The following ZP3 variants were observed in gnomAD, a reference collection of about 807,000 sequenced individuals.
The protein encoded by ZP3 is zona pellucida glycoprotein 3.
In ZP3, 21 loss-of-function variants were observed where a neutral mutation model predicts 35.6. The ratio of observed to expected loss-of-function variants is 0.59; its 90% CI spans 0.42 to 0.85. The LOEUF (loss-of-function observed/expected upper bound fraction) is 0.85. Ranked by LOEUF, ZP3 falls within the 40% of genes least tolerant of loss-of-function variation. The pLI, the probability that ZP3 is intolerant of heterozygous loss-of-function variation, is 0.00. For missense variants in ZP3, 437 were observed against 536.5 expected (o/e 0.81, Z 1.83); for synonymous variants, 207 against 214.5 (o/e 0.96, Z 0.31).
intron 1 of ZP3, among the ~76,000 whole-genome samples, chr7:76,427,480 C>T (rs1323998654): frequency 1.4e-5 from 2 of 145,442 alleles, no homozygotes; most frequent in Non-Finnish European, 3.0e-5. Flanking sequence ...CGTGCCACTG[C>T]ACTCCAGCCT....
chr7:76,425,551 T>C (rs537345928), intron 1 of ZP3, among the ~76,000 whole-genome samples: 41 of 151,946 alleles, frequency 2.7e-4, no homozygotes, highest in African/African-American at 9.2e-4. Context: ...CTCAGGTGGG[T>C]TTGTGACACA....
intron 1 of ZP3, among the ~76,000 whole-genome samples, chr7:76,408,606 C>T (rs1805123421): frequency 6.6e-6 from 1 of 152,120 alleles, no homozygotes; most frequent in South Asian, 2.1e-4. Flanking sequence ...CACCTCAGCC[C>T]AGGCGTGAGG....
intron 1 of ZP3, among the ~76,000 whole-genome samples, chr7:76,419,769 C>CCCT (rs1193213971): frequency 8.4e-5 from 12 of 142,648 alleles, no homozygotes; most frequent in South Asian, 2.3e-4. Context: ...TTTCCCCCTC[C>CCCT]CCTCCTCCTC....
At chr7:76,422,766 G>A (rs746125180), upstream of ZP3, among the ~76,000 whole-genome samples, 1 of 151,280 alleles carries the variant, frequency 6.6e-6, no homozygotes, top group Non-Finnish European at 1.5e-5. Flanking sequence ...GGGAGGCCGA[G>A]GAGGGAGAAT....
At chr7:76,413,543 A>G (rs1805298740) in intron 1 of ZP3, among the ~76,000 whole-genome samples, 1 of 152,198 alleles carries the variant, frequency 6.6e-6, no homozygotes, top group African/African-American at 2.4e-5. Context: ...CTGGGATTAC[A>G]GGCTTGAGCC....
Position 76,433,585 on chromosome 7 carries a change from C to T in ZP3, c.651C>T (p.Cys217=), listed in dbSNP as rs373009553. 3.3e-5 allele frequency: 54 copies of T among 1,614,060 alleles called. No homozygotes were observed. Among genetic ancestry groups the T allele is most frequent in the Middle Eastern group, 1.6e-4 (1 of 6,084 alleles). Residue 217 remains cysteine, a synonymous_variant, in exon 4 of 8, where the codon TGC becomes TGT. Coordinates refer to ENST00000394857, the MANE Select transcript of ZP3 (RefSeq NM_001110354.2). ...CACTGCGGTTGTTTGTGGACCACTG[C>T]GTGGCCACACCGACACCAGACCAGA... ...HVPLRLFVDH[C]VATPTPDQNA... is the part of the protein sequence containing the mutation.
chr7:76,411,717 A>C (rs1234514377), intron 1 of ZP3, among the ~76,000 whole-genome samples: 1 of 152,294 alleles, frequency 6.6e-6, no homozygotes, highest in Non-Finnish European at 1.5e-5. Context: ...AATGGTCCAG[A>C]TACTCTGAAA....
At chr7:76,416,143 AGCAGACTGGGT>A in intron 1 of ZP3, among the ~76,000 whole-genome samples, 1 of 145,844 alleles carries the variant, frequency 6.9e-6, no homozygotes, top group Non-Finnish European at 1.5e-5. Context: ...AAAAAAAGAA[AGCAGACTGGGT>A]GCAGTGGCTC....
chr7:76,434,204 T>TCC (rs760579405), intron 5 of ZP3, 49 bp downstream of exon 5: 150 of 777,940 alleles, frequency 1.9e-4, no homozygotes, highest in Non-Finnish European at 2.9e-4. Flanking sequence ...AACCTTCATA[T>TCC]CCTACTGAAT....
chr7:76,405,331 C>CTTTT (rs1207800001), intron 1 of ZP3, among the ~76,000 whole-genome samples: 3 of 26,386 alleles, frequency 1.1e-4, no homozygotes, highest in Non-Finnish European at 6.7e-5. Flanking sequence ...TTTTTTCTTT[C>CTTTT]TTTCTTTCTT....
chr7:76,398,299 T>C lies in ZP3; in HGVS notation c.-67+502T>C, dbSNP rs544600552. 1.6e-4 allele frequency among the ~76,000 whole-genome samples: 23 copies of C among 147,982 alleles called. 1 individual carries two copies. The East Asian group carries it at 3.3e-3, about 21-fold the overall frequency. ...GATTAAGCTCCAGTCTCACCGCCCATTCATTTTCTATTTTTTTTTTTTTTT... is the reference window on the plus strand; with the variant it reads ...GATTAAGCTCCAGTCTCACCGCCCACTCATTTTCTATTTTTTTTTTTTTTT... On this transcript the variant is annotated intron_variant, in intron 1 of 8. Transcript: ENST00000336517.
At chr7:76,429,150 A>G (rs1018739524) in intron 1 of ZP3, 8 of 270,050 alleles carry the variant, frequency 3.0e-5, no homozygotes, top group African/African-American at 8.8e-5. Flanking sequence ...TGGGTGTTAC[A>G]TGGTATCTGC....
upstream of ZP3, among the ~76,000 whole-genome samples, chr7:76,421,879 C>T (rs905411732): frequency 6.6e-6 from 1 of 150,942 alleles, no homozygotes; most frequent in African/African-American, 2.4e-5. Context: ...CTGATAGGAC[C>T]CTTGCAGTAG....
At chr7:76,420,886 C>G (rs1302188190), upstream of ZP3, among the ~76,000 whole-genome samples, 4 of 149,876 alleles carry the variant, frequency 2.7e-5, no homozygotes, top group African/African-American at 1.0e-4. Flanking sequence ...CATATATATA[C>G]ACATACATAT....
At chr7:76,435,732 AT>A (rs71521128) in intron 5 of ZP3, among the ~76,000 whole-genome samples, 39,386 of 138,338 alleles carry the variant, frequency 0.28, 3,671 homozygotes, top group East Asian at 0.38. Flanking sequence ...TACCACCAGC[AT>A]TTTTTTTTTT....
chr7:76,397,872 G>C, intron 1 of ZP3: 1 of 1,479,614 alleles, frequency 6.8e-7, no homozygotes, highest in Non-Finnish European at 9.0e-7. Flanking sequence ...TCTCCCACTG[G>C]CCTCTGCCCC....
chr7:76,434,100 A>G lies in ZP3; in HGVS notation c.776A>G (p.Asp259Gly), dbSNP rs1805918966. 1 of 1,411,808 alleles carries G rather than the reference A, an allele frequency of 7.1e-7. No individual in the cohort carries two copies. Among genetic ancestry groups the G allele is most frequent in the South Asian group, 1.3e-5 (1 of 78,244 alleles). 87.5% of individuals were successfully genotyped at this position (1,411,808 alleles called of 1,614,324 possible). Residue 259 changes from aspartate (D) to glycine (G), a missense_variant, in exon 5 of 8, where the codon GAT (aspartate) becomes GGT (glycine). Around this residue, in one of 6 missense-constraint regions of ZP3, gnomAD observed 26 missense variants for 78.2 expected, o/e 0.33. Coordinates refer to ENST00000394857, the MANE Select transcript of ZP3 (RefSeq NM_001110354.2). ...TTCAAAGTTCCTCGACCCGGGCCAG[A>G]TACACTCCAGTTCACAGTGGATGTC... ...SAFKVPRPGP[D>G]TLQFTVDVFH...
chr7:76,421,718 C>T (rs111934916), upstream of ZP3, among the ~76,000 whole-genome samples: 1 of 151,924 alleles, frequency 6.6e-6, no homozygotes, highest in African/African-American at 2.4e-5. Context: ...CCTCAGCCTC[C>T]TGAGTAGCTG....
chr7:76,410,516 CA>C (rs111982264), intron 1 of ZP3, among the ~76,000 whole-genome samples: 8,501 of 137,706 alleles, frequency 0.062, 682 homozygotes, highest in African/African-American at 0.2. Context: ...CTGCACTGGC[CA>C]AAAAAAAAAA....
Sources: allele counts gnomAD v4.1 joint callset (sites outside exome capture counted in the v4.1 genomes callset), GRCh38; gene constraint gnomAD v4.1.1; regional missense constraint gnomAD v4.1.1; transcripts MANE v1.5; gene names NCBI Gene and HGNC (gene_info 2026-07-23, HGNC 2026-07-21).